RSPO2: variants seen among roughly 807,000 people sequenced by gnomAD.
RSPO2 encodes R-spondin 2.
Under a neutral mutation model 30.9 loss-of-function variants are expected in RSPO2, and 14 were observed. The ratio of observed to expected loss-of-function variants is 0.45; its 90% confidence interval spans 0.30 to 0.71. RSPO2 has a LOEUF of 0.71. RSPO2 is among the 30% of genes least tolerant of loss of function. RSPO2 has a pLI of 0.08. For synonymous variants in RSPO2, 107 were observed against 96.4 expected (o/e 1.11, Z -0.64); for missense variants, 264 against 301.9 (o/e 0.87, Z 0.93).
At chr8:107,903,813 T>C (rs1811551111) in intron 5 of RSPO2, among the ~76,000 whole-genome samples, 1 of 152,010 alleles carries the variant, frequency 6.6e-6, no homozygotes, top group South Asian at 2.1e-4. Flanking sequence ...TTTTCTCACA[T>C]AAGACATATT....
At chr8:107,991,684 C>A (rs1484213241) in intron 2 of RSPO2, among the ~76,000 whole-genome samples, 1 of 151,978 alleles carries the variant, frequency 6.6e-6, no homozygotes, top group Non-Finnish European at 1.5e-5. Context: ...CTATAAAGAT[C>A]TTAAATTCAC....
intron 5 of RSPO2, among the ~76,000 whole-genome samples, chr8:107,921,937 G>C (rs749868293): frequency 6.6e-6 from 1 of 152,130 alleles, no homozygotes; most frequent in African/African-American, 2.4e-5. Context: ...AGTAGGCATT[G>C]AAGGAACATA....
intron 5 of RSPO2, among the ~76,000 whole-genome samples, chr8:107,918,074 T>C (rs1280536377): frequency 6.6e-6 from 1 of 152,174 alleles, no homozygotes; most frequent in Non-Finnish European, 1.5e-5. Flanking sequence ...ATATCAAGCA[T>C]AACAGGAGTT....
At chr8:107,938,425 T>C (rs1812786926) in intron 5 of RSPO2, among the ~76,000 whole-genome samples, 1 of 152,166 alleles carries the variant, frequency 6.6e-6, no homozygotes, top group African/African-American at 2.4e-5. Context: ...ATATACATTC[T>C]CTCTGCTCAC....
intron 2 of RSPO2, among the ~76,000 whole-genome samples, chr8:108,032,503 C>A (rs17320261): frequency 0.17 from 25,838 of 152,132 alleles, 2,858 homozygotes; most frequent in Middle Eastern, 0.27. Flanking sequence ...TAGTCACATA[C>A]CCTAGATACA....
intron 4 of RSPO2, 110 bp downstream of exon 4, chr8:107,960,564 C>G: frequency 9.5e-7 from 1 of 1,055,006 alleles, no homozygotes; most frequent in East Asian, 2.5e-5. Context: ...TTCTACTGAA[C>G]AAGAGAACCA....
chr8:108,036,608 A>C (rs1250076602), intron 2 of RSPO2, among the ~76,000 whole-genome samples: 4 of 152,176 alleles, frequency 2.6e-5, no homozygotes, highest in Admixed American at 2.0e-4. Flanking sequence ...AACAAAGACC[A>C]CGTGTTACAA....
At chr8:107,961,121 A>T (rs1813612782) in intron 3 of RSPO2, among the ~76,000 whole-genome samples, 1 of 152,200 alleles carries the variant, frequency 6.6e-6, no homozygotes, top group Non-Finnish European at 1.5e-5. Context: ...AAGACAAAGA[A>T]AACACTCCCT....
chr8:107,915,034 C>T (rs923986971), intron 5 of RSPO2, among the ~76,000 whole-genome samples: 6 of 152,006 alleles, frequency 3.9e-5, no homozygotes, highest in African/African-American at 1.4e-4. Context: ...AAGTAGGCCA[C>T]CTGAAAAATT....
chr8:108,041,985 A>C (rs1811774255), intron 2 of RSPO2, among the ~76,000 whole-genome samples: 1 of 152,136 alleles, frequency 6.6e-6, no homozygotes, highest in South Asian at 2.1e-4. Flanking sequence ...AATAATAAAT[A>C]ACCAGAATGA....
At chr8:108,054,688 A>G (rs1812187921) in intron 2 of RSPO2, among the ~76,000 whole-genome samples, 1 of 152,222 alleles carries the variant, frequency 6.6e-6, no homozygotes, top group African/African-American at 2.4e-5. Context: ...GTAGGGCACA[A>G]TAAGTGAGGC....
At chr8:107,951,969 T>C (rs1225323901) in intron 5 of RSPO2, among the ~76,000 whole-genome samples, 1 of 152,142 alleles carries the variant, frequency 6.6e-6, no homozygotes, top group African/African-American at 2.4e-5. Context: ...TTAGTCAGTC[T>C]GAAAGAAATC....
chr8:107,947,794 C>T (rs1262088872), intron 5 of RSPO2, among the ~76,000 whole-genome samples: 1 of 152,214 alleles, frequency 6.6e-6, no homozygotes, highest in African/African-American at 2.4e-5. Flanking sequence ...AATTCAAACT[C>T]CTTGTCTTCT....
Position 108,008,511 on chromosome 8 carries a change from C to T in RSPO2, c.95-19267G>A, listed in dbSNP as rs895318873. On this transcript the variant is annotated intron_variant, in intron 2 of 5. Transcript: ENST00000276659. Reference sequence around the variant, plus strand: ...TTACTAACATCCAGCTCACTCAACTCATGGAGAGGTTGCAATCCTCTTACA... The same window carrying T: ...TTACTAACATCCAGCTCACTCAACTTATGGAGAGGTTGCAATCCTCTTACA... Among the ~76,000 whole-genome samples, 5 of 152,092 alleles carry T rather than the reference C, an allele frequency of 3.3e-5. No individual in the cohort carries two copies. In the East Asian group the frequency reaches 9.6e-4, roughly 29 times the overall value.
chr8:108,073,233 G>A (rs1434697630), intron 2 of RSPO2: 4 of 152,214 alleles, frequency 2.6e-5, no homozygotes, highest in African/African-American at 9.7e-5. Context: ...TGTCCATGGG[G>A]GGAGCAGAGC....
intron 2 of RSPO2, among the ~76,000 whole-genome samples, chr8:108,072,016 C>T (rs2130725929): frequency 6.6e-6 from 1 of 152,146 alleles, no homozygotes; most frequent in Non-Finnish European, 1.5e-5. Flanking sequence ...TGACAGATAC[C>T]ATAGTTACCC....
At chr8:107,948,343 T>C (rs949296016) in intron 5 of RSPO2, among the ~76,000 whole-genome samples, 1 of 152,220 alleles carries the variant, frequency 6.6e-6, no homozygotes, top group Non-Finnish European at 1.5e-5. Flanking sequence ...CACTGGATTA[T>C]CTTGGGGAAG....
At chr8:107,966,528 T>C (rs924649924) in intron 3 of RSPO2, among the ~76,000 whole-genome samples, 4 of 152,168 alleles carry the variant, frequency 2.6e-5, no homozygotes, top group African/African-American at 7.2e-5. Context: ...AAACCATTGG[T>C]AGGCTCAACA....
intron 3 of RSPO2, among the ~76,000 whole-genome samples, chr8:107,985,830 T>G (rs77687279): frequency 0.027 from 4,137 of 152,308 alleles, 147 homozygotes; most frequent in African/African-American, 0.081. Flanking sequence ...ATTACTCAGA[T>G]AGTTGTTGGA....
Sources: allele counts gnomAD v4.1 joint callset (sites outside exome capture counted in the v4.1 genomes callset), GRCh38; gene constraint gnomAD v4.1.1; transcripts MANE v1.5; gene names NCBI Gene and HGNC (gene_info 2026-07-23, HGNC 2026-07-21).